GOLGA4: variants seen among roughly 807,000 people sequenced by gnomAD.
The protein encoded by GOLGA4 is golgin subfamily A member 4.
GOLGA4 carries 169 observed loss-of-function variants against 265.9 expected under a neutral mutation model. That is an observed-to-expected ratio of 0.64 (90% CI 0.56 to 0.72). The LOEUF (loss-of-function observed/expected upper bound fraction) is 0.72. Among genes scored for constraint, GOLGA4 ranks in the 30% least tolerant of loss-of-function variants. The probability of loss-of-function intolerance (pLI) is 0.00; values close to 1 mark genes in which losing one functional copy is unlikely to be tolerated. For synonymous variants in GOLGA4, 923 were observed against 855.8 expected (o/e 1.08, Z -1.37); for missense variants, 2,482 against 2,483.4 (o/e 1.00, Z 0.01).
chr3:37,362,946 C>T (rs1486393987), intron 23 of GOLGA4, among the ~76,000 whole-genome samples: 1 of 151,642 alleles, frequency 6.6e-6, no homozygotes, highest in Non-Finnish European at 1.5e-5. Context: ...CCATGCCCAG[C>T]TAATTTTTTG....
chr3:37,262,403 G>A (rs1191054459), intron 2 of GOLGA4, among the ~76,000 whole-genome samples: 1 of 152,048 alleles, frequency 6.6e-6, no homozygotes, highest in African/African-American at 2.4e-5. Context: ...CTACTCGGGA[G>A]GCTGAATGAG....
chr3:37,254,513 G>T (rs537285539), intron 2 of GOLGA4, among the ~76,000 whole-genome samples: 1 of 151,706 alleles, frequency 6.6e-6, no homozygotes, highest in Non-Finnish European at 1.5e-5. Context: ...AAAATTAATT[G>T]TTTTAATTAA....
intron 2 of GOLGA4, among the ~76,000 whole-genome samples, chr3:37,257,234 T>C (rs2096751382): frequency 6.6e-6 from 1 of 152,232 alleles, no homozygotes; most frequent in Admixed American, 6.5e-5. Context: ...TCATTTGTGT[T>C]GTAGCATGTA....
intron 2 of GOLGA4, among the ~76,000 whole-genome samples, chr3:37,266,186 A>T (rs995444969): frequency 1.3e-5 from 2 of 151,492 alleles, no homozygotes; most frequent in Non-Finnish European, 2.9e-5. Context: ...TGTTTTTTTG[A>T]GATAGAGTCT....
chr3:37,276,555 T>C (rs1296918400), intron 2 of GOLGA4: 1 of 1,594,746 alleles, frequency 6.3e-7, no homozygotes, highest in Non-Finnish European at 8.6e-7. Context: ...GTGACAACAT[T>C]TGTTGTCTGT....
chr3:37,318,235 CG>C (rs2096943482), intron 11 of GOLGA4, among the ~76,000 whole-genome samples: 1 of 151,950 alleles, frequency 6.6e-6, no homozygotes, highest in Admixed American at 6.6e-5. Flanking sequence ...TTTGTAGAGA[CG>C]GGGTCTGCCT....
intron 1 of GOLGA4, chr3:37,249,747 G>A (rs1244583985): frequency 1.3e-5 from 2 of 152,180 alleles, no homozygotes; most frequent in African/African-American, 2.4e-5. Context: ...ATCTAGGTAA[G>A]CAGAAAAATA....
At chr3:37,331,903 C>T (rs1347912211) in intron 16 of GOLGA4, among the ~76,000 whole-genome samples, 2 of 152,268 alleles carry the variant, frequency 1.3e-5, no homozygotes, top group African/African-American at 2.4e-5. Flanking sequence ...TGACATATAA[C>T]GGGCTCACAG....
At chr3:37,321,443 T>TAAAAAA in intron 12 of GOLGA4, 3 of 259,672 alleles carry the variant, frequency 1.2e-5, no homozygotes, top group Non-Finnish European at 2.2e-5. Flanking sequence ...TGTATGACCT[T>TAAAAAA]TCACATTCAG....
chr3:37,273,532 T>C (rs2096804689), intron 2 of GOLGA4: 2 of 1,474,902 alleles, frequency 1.4e-6, no homozygotes, highest in Non-Finnish European at 1.8e-6. Context: ...TTTCTTTTTC[T>C]TAGAATGCAT....
intron 2 of GOLGA4, chr3:37,267,041 C>T (rs1040073): frequency 0.3 from 126,205 of 417,554 alleles, 22,445 homozygotes; most frequent in Non-Finnish European, 0.39. Context: ...TACCATCTCT[C>T]AAAGTATCTT....
chr3:37,308,824 C>T (rs2096914619), intron 10 of GOLGA4, among the ~76,000 whole-genome samples: 1 of 152,000 alleles, frequency 6.6e-6, no homozygotes. Context: ...ACCGTGTTAG[C>T]CAGGATGGTC....
intron 23 of GOLGA4, among the ~76,000 whole-genome samples, chr3:37,361,816 A>G (rs1696294468): frequency 6.6e-6 from 1 of 152,250 alleles, no homozygotes; most frequent in African/African-American, 2.4e-5. Flanking sequence ...CAGACAGTTT[A>G]ACACAAGACA....
intron 11 of GOLGA4, among the ~76,000 whole-genome samples, chr3:37,317,000 A>G (rs552150870): frequency 1.4e-4 from 22 of 152,244 alleles, no homozygotes; most frequent in Admixed American, 1.3e-3. Context: ...TAATCTTTCT[A>G]GGAGATTGTT....
chr3:37,349,823 A>T (rs1299551821), intron 21 of GOLGA4, among the ~76,000 whole-genome samples: 2 of 152,146 alleles, frequency 1.3e-5, no homozygotes, highest in African/African-American at 4.8e-5. Flanking sequence ...CAGGATTCAT[A>T]TGTCTTCTCA....
intron 2 of GOLGA4, among the ~76,000 whole-genome samples, chr3:37,270,407 G>A (rs930625568): frequency 6.6e-6 from 1 of 151,544 alleles, no homozygotes; most frequent in African/African-American, 2.4e-5. Flanking sequence ...TAGTAGAGAT[G>A]GGGTTTCACC....
At chr3:37,254,315 T>C (rs2096742217) in intron 2 of GOLGA4, among the ~76,000 whole-genome samples, 1 of 152,290 alleles carries the variant, frequency 6.6e-6, no homozygotes, top group South Asian at 2.1e-4. Flanking sequence ...CTCTGTACTT[T>C]TATGCAACTT....
At chr3:37,339,956 G>GT (rs950068698) in intron 19 of GOLGA4, among the ~76,000 whole-genome samples, 168 bp from the exon 20 acceptor site, 40 of 146,590 alleles carry the variant, frequency 2.7e-4, no homozygotes, top group Admixed American at 4.8e-4. Flanking sequence ...TTTAGTTTTA[G>GT]TTTTTTTTTT....
intron 10 of GOLGA4, among the ~76,000 whole-genome samples, chr3:37,311,108 T>A (rs181193475): frequency 2.0e-5 from 3 of 152,278 alleles, no homozygotes; most frequent in East Asian, 1.9e-4. Context: ...TCAGGTGAGA[T>A]GTTTCTGGGT....
Sources: gnomAD v4.1 joint callset for allele counts (sites outside exome capture counted in the v4.1 genomes callset) on GRCh38, gnomAD v4.1.1 for gene constraint, MANE v1.5 for transcripts, NCBI Gene and HGNC (gene_info 2026-07-23, HGNC 2026-07-21) for gene names.